Variants in ARSL observed in about 807,000 individuals in gnomAD.
The protein encoded by ARSL is arylsulfatase L.
In ARSL, 4 loss-of-function variants were observed where a neutral mutation model predicts 31.1. The observed-to-expected ratio is 0.13, with a 90% CI of 0.06 to 0.29. The LOEUF is 0.29. Ranked by LOEUF, ARSL falls within the 10% of genes least tolerant of loss-of-function variation. The probability of loss-of-function intolerance (pLI) is 1.00; values close to 1 mark genes in which losing one functional copy is unlikely to be tolerated. For synonymous variants in ARSL, 198 were observed against 209.9 expected (o/e 0.94, Z 0.49); for missense variants, 312 against 497.8 (o/e 0.63, Z 3.55).
intron 3 of ARSL, among the ~76,000 whole-genome samples, chrX:2,956,729 G>A (rs768405048): frequency 1.2e-4 from 13 of 108,714 alleles, no homozygotes; most frequent in Non-Finnish European, 2.5e-4. Context: ...CTCCCAAAGT[G>A]CTGGGATTAC....
intron 8 of ARSL, 65 bp downstream of exon 8, chrX:2,943,000 C>G: frequency 1.7e-6 from 2 of 1,186,489 alleles, no homozygotes; most frequent in South Asian, 1.8e-5. Context: ...ATAGATTGCC[C>G]TGCTGGGAAT....
At chrX:2,957,017 T>C (rs1305545026) in intron 3 of ARSL, among the ~76,000 whole-genome samples, 1 of 105,384 alleles carries the variant, frequency 9.5e-6, no homozygotes, top group Non-Finnish European at 1.9e-5. Flanking sequence ...GTCAGGAGAT[T>C]GAGACCATCC....
At chrX:2,960,137 CA>C (rs2089594268) in intron 2 of ARSL, among the ~76,000 whole-genome samples, 1 of 87,822 alleles carries the variant, frequency 1.1e-5, no homozygotes, top group Non-Finnish European at 2.3e-5. Flanking sequence ...GGCGTGGTGG[CA>C]GGCGCCTGTA....
rs1233343216 is a variant in ARSL at position 2,964,254 on chromosome X, G to C, written c.-51C>G. On this transcript the variant is annotated 5_prime_UTR_variant, in exon 1 of 11. The change creates a new upstream start codon in the 5' untranslated region. Coordinates refer to ENST00000381134, the MANE Select transcript of ARSL (RefSeq NM_000047.3). ...CTCCTGGGCTCCTTCCTGAATCCCC[G>C]ATCAAGAAGAGGAAGGTTCTCTCCC... is the stretch of plus-strand genomic sequence containing the variant. 2 of 752,186 alleles carry C rather than the reference G, an allele frequency of 2.7e-6. No individual in the cohort carries two copies. The highest frequency in any genetic ancestry group is 3.1e-6 in the Non-Finnish European group (2 of 638,961). 62.0% of individuals were successfully genotyped at this position (752,186 alleles called of 1,213,427 possible).
At chrX:2,961,124 TA>T (rs1289661928) in intron 1 of ARSL, among the ~76,000 whole-genome samples, 2 of 111,103 alleles carry the variant, frequency 1.8e-5, no homozygotes, top group African/African-American at 6.6e-5. Context: ...CCTTCATTGC[TA>T]GGGGTAGGTG....
intron 1 of ARSL, among the ~76,000 whole-genome samples, chrX:2,962,652 G>A (rs973211148): frequency 1.8e-5 from 2 of 111,737 alleles, no homozygotes; most frequent in South Asian, 7.5e-4. Flanking sequence ...GATGCTGGGA[G>A]GGGTGTTTGC....
chrX:2,943,755 A>T (rs1420352149), intron 7 of ARSL, among the ~76,000 whole-genome samples: 1 of 104,097 alleles, frequency 9.6e-6, no homozygotes, highest in Non-Finnish European at 2.0e-5. Flanking sequence ...AAAAAAAAAA[A>T]AAAAAAAAAA....
At chrX:2,944,136 C>T (rs2089323716) in intron 7 of ARSL, among the ~76,000 whole-genome samples, 1 of 110,629 alleles carries the variant, frequency 9.0e-6, no homozygotes, top group African/African-American at 3.3e-5. Context: ...CACGGTTGCA[C>T]CACTGCACTC....
At chrX:2,941,738 C>G (rs1359894889) in intron 8 of ARSL, among the ~76,000 whole-genome samples, 1 of 112,135 alleles carries the variant, frequency 8.9e-6, no homozygotes, top group South Asian at 3.8e-4. Flanking sequence ...ATTGCTGTCT[C>G]ATGCCTCCCT....
intron 7 of ARSL, 81 bp from the exon 8 acceptor site, chrX:2,943,280 C>T (rs1486180298): frequency 2.3e-5 from 26 of 1,111,787 alleles, no homozygotes; most frequent in South Asian, 9.6e-5. Flanking sequence ...CTTTAGCATT[C>T]GGGGGCTAGC....
At chrX:2,966,651 T>C (rs187155723), upstream of ARSL, among the ~76,000 whole-genome samples, 1,699 of 107,585 alleles carry the variant, frequency 0.016, 28 homozygotes, top group African/African-American at 0.055. Flanking sequence ...AAATATAATA[T>C]ATAAATATAT....
intron 4 of ARSL, 74 bp downstream of exon 4, chrX:2,955,342 C>A (rs762078121): frequency 6.2e-5 from 72 of 1,170,728 alleles, no homozygotes; most frequent in East Asian, 3.1e-4. Context: ...AATAAAAAAA[C>A]CAAAATGTAA....
At chrX:2,944,326 T>G (rs754517137) in intron 7 of ARSL, among the ~76,000 whole-genome samples, 1 of 108,095 alleles carries the variant, frequency 9.3e-6, no homozygotes, top group Non-Finnish European at 1.9e-5. Flanking sequence ...TGGTGGCGGG[T>G]GCCTGTAAAC....
intron 4 of ARSL, among the ~76,000 whole-genome samples, chrX:2,954,545 C>T: frequency 8.9e-6 from 1 of 111,979 alleles, no homozygotes; most frequent in Middle Eastern, 4.6e-3. Context: ...ATCTGCCTGC[C>T]TCAGCCTCTC....
In ARSL at chrX:2,960,442, A is replaced by G. The variant is rs760525145; in HGVS notation, c.-20-22T>C. ...CTTCCTGTAAGACATAAAGATGTCC[A>G]CAATCACATTGACAGCAGAAATTGA... is the stretch of plus-strand genomic sequence containing the variant. On this transcript the variant is annotated intron_variant, in intron 1 of 10. Coordinates refer to ENST00000381134, the MANE Select transcript of ARSL (RefSeq NM_000047.3). 4.2e-6 allele frequency: 5 copies of G among 1,198,888 alleles called. No homozygotes were observed. In the East Asian group the frequency reaches 1.2e-4, roughly 28 times the overall value.
At position 2,949,879 on chromosome X, in the gene ARSL, C is replaced by T. The variant is rs917669085; in HGVS notation, c.431-152G>A. ...TGGGCAGCATTAGCTGTTATTTGCA[C>T]CACAATCTGGCCTCATCGTTTCAGG... On this transcript the variant is annotated intron_variant, in intron 5 of 10. Transcript: ENST00000381134. 1.1e-4 allele frequency: 75 copies of T among 699,800 alleles called. No homozygotes were observed. The African/African-American group carries it at 1.4e-3, about 13-fold the overall frequency. 57.7% of individuals were successfully genotyped at this position (699,800 alleles called of 1,213,427 possible).
chrX:2,941,042 T>C (rs2089273092), intron 8 of ARSL, among the ~76,000 whole-genome samples: 1 of 111,239 alleles, frequency 9.0e-6, no homozygotes, highest in Non-Finnish European at 1.9e-5. Context: ...GACTTCCTCC[T>C]CACCCAGAGC....
intron 8 of ARSL, among the ~76,000 whole-genome samples, chrX:2,942,600 C>T (rs779137303): frequency 1.8e-5 from 2 of 111,626 alleles, no homozygotes; most frequent in South Asian, 7.5e-4. Context: ...CCACCTGGAC[C>T]CATTTAGATT....
intron 5 of ARSL, among the ~76,000 whole-genome samples, chrX:2,952,255 A>AT (rs1275764668): frequency 1.8e-5 from 2 of 110,214 alleles, no homozygotes; most frequent in Non-Finnish European, 3.8e-5. Context: ...ATTTTTTCTT[A>AT]TTTTTTTTTA....
Sources: gnomAD v4.1 joint callset for allele counts (sites outside exome capture counted in the v4.1 genomes callset) on GRCh38, gnomAD v4.1.1 for gene constraint, MANE v1.5 for transcripts, NCBI Gene and HGNC (gene_info 2026-07-23, HGNC 2026-07-21) for gene names.